Variants in NEBL observed in about 807,000 individuals in gnomAD.
NEBL encodes LIM and SH3 protein 2.
NEBL carries 122 observed loss-of-function variants against 140.2 expected under a neutral mutation model. The observed-to-expected ratio is 0.87, with a 90% CI of 0.75 to 1.01. The LOEUF is 1.01. Ranked by LOEUF, NEBL falls within the 50% of genes least tolerant of loss-of-function variation. NEBL has a pLI of 0.00. For synonymous variants in NEBL, 436 were observed against 398.9 expected, an observed-to-expected ratio of 1.09 and a Z score of -1.11; for missense variants, 1,365 against 1,231.3, an observed-to-expected ratio of 1.11 and a Z score of -1.62.
At chr10:20,818,840 A>G in intron 20 of NEBL, 1 of 990,780 alleles carries the variant, frequency 1.0e-6, no homozygotes, top group Non-Finnish European at 1.2e-6. Flanking sequence ...ATGCCCTTCA[A>G]CAAGGAAATG....
At chr10:21,029,754 T>G in intron 2 of NEBL, 1 of 791,154 alleles carries the variant, frequency 1.3e-6, no homozygotes, top group Non-Finnish European at 2.3e-6. Flanking sequence ...TGGATCGATA[T>G]GGCTGGCGGT....
At chr10:20,823,075 C>A in intron 19 of NEBL, 133 bp downstream of exon 19, 1 of 649,176 alleles carries the variant, frequency 1.5e-6, no homozygotes, top group Non-Finnish European at 2.7e-6. Context: ...AAAATGCTAG[C>A]TCCACTTTTA....
chr10:20,785,595 T>C lies in NEBL; in HGVS notation c.*152A>G, dbSNP rs1835341298. The C allele has an allele frequency of 1.1e-6, 1 of 900,770 alleles. No individual in the cohort carries two copies. Among genetic ancestry groups the C allele is most frequent in the Non-Finnish European group, 1.7e-6 (1 of 579,204 alleles). The allele number at this position is 900,770 out of a possible 1,614,324, so 55.8% of individuals were successfully genotyped here. A position where few individuals can be genotyped will look rare whatever the true frequency, so the allele number is the denominator to read the frequency against. ...CTGCTGTTTTCAGCCCAGAGGTCATTCCTTCTTCCTGGTACCTGTGTGTCT... is the reference window on the plus strand; with the variant it reads ...CTGCTGTTTTCAGCCCAGAGGTCATCCCTTCTTCCTGGTACCTGTGTGTCT... On this transcript the variant is annotated 3_prime_UTR_variant, in exon 28 of 28. Transcript: ENST00000377122.
At chr10:20,854,561 CTTTTTTTTT>C (rs71390794) in intron 9 of NEBL, among the ~76,000 whole-genome samples, 58 of 107,258 alleles carry the variant, frequency 5.4e-4, no homozygotes, top group Non-Finnish European at 9.0e-4. Context: ...TCATATAGTA[CTTTTTTTTT>C]TTTTTTTTTT....
rs1767961581 is a variant in NEBL at position 20,897,185 on chromosome 10, C to T, written c.21G>A (p.Glu7=). MRVPVF[E]DIKDETEEEK... is the part of the protein sequence containing the mutation. The stretch of plus-strand genomic sequence containing the variant: ...CTTCTTCAGTTTCATCTTTTATATC[C>T]TCAAATACAGGGACCCTCATTTTTA... Residue 7 remains glutamate (E), a synonymous_variant, in exon 1 of 28, where the codon GAG becomes GAA. Coordinates refer to ENST00000377122, the MANE Select transcript of NEBL (RefSeq NM_006393.3). The T allele has an allele frequency of 6.2e-7, 1 of 1,603,048 alleles. No homozygotes were observed. Among genetic ancestry groups the T allele is most frequent in the Non-Finnish European group, 8.5e-7 (1 of 1,172,082 alleles).
chr10:20,814,609 T>TACACACACACAC (rs1265684219), intron 22 of NEBL, among the ~76,000 whole-genome samples: 1,304 of 98,292 alleles, frequency 0.013, 12 homozygotes, highest in African/African-American at 0.058. Context: ...AACACACACA[T>TACACACACACAC]ACACACATAC....
At chr10:20,923,274 C>T (rs1833682290) in intron 4 of NEBL, among the ~76,000 whole-genome samples, 1 of 151,982 alleles carries the variant, frequency 6.6e-6, no homozygotes, top group Non-Finnish European at 1.5e-5. Context: ...TGCCATGTTG[C>T]CCACGCTGGT....
intron 3 of NEBL, among the ~76,000 whole-genome samples, chr10:20,981,607 G>A (rs1341883275): frequency 3.3e-5 from 5 of 151,656 alleles, no homozygotes; most frequent in African/African-American, 1.2e-4. Flanking sequence ...CTTGGGACTG[G>A]CTAATCAGAG....
At chr10:20,894,926 C>CCA (rs1186688262) in intron 2 of NEBL, among the ~76,000 whole-genome samples, 1 of 102,640 alleles carries the variant, frequency 9.7e-6, no homozygotes, top group African/African-American at 4.2e-5. Flanking sequence ...GAGACTCTGT[C>CCA]TAAAAAAAAA....
rs555938204 is a variant in NEBL at position 21,209,511 on chromosome 10, A to G, written n.349-37034T>C. On this transcript the variant is annotated intron_variant and non_coding_transcript_variant, in intron 3 of 8. Coordinates refer to the NEBL transcript ENST00000675702. ...GTTGAAAAGAAAGAGAGGAAAATGG[A>G]CTTCAGGTAGGCAGCTGGAAGTATA... 5.3e-4 allele frequency among the ~76,000 whole-genome samples: 81 copies of G among 152,158 alleles called. No individual in the cohort carries two copies. In the Middle Eastern group the frequency reaches 0.01, roughly 19 times the overall value.
At chr10:21,032,879 T>A (rs548533144) in intron 2 of NEBL, among the ~76,000 whole-genome samples, 31 of 152,314 alleles carry the variant, frequency 2.0e-4, no homozygotes, top group Non-Finnish European at 4.0e-4. Context: ...ACTTCTCTCA[T>A]GTATTTATAA....
At chr10:21,161,433 A>G (rs1370834593) in intron 2 of NEBL, among the ~76,000 whole-genome samples, 1 of 152,094 alleles carries the variant, frequency 6.6e-6, no homozygotes, top group Non-Finnish European at 1.5e-5. Context: ...TGCCCCCAAC[A>G]AAGCTAGATG....
chr10:21,127,069 G>A (rs1195219918), intron 2 of NEBL, among the ~76,000 whole-genome samples: 3 of 149,454 alleles, frequency 2.0e-5, no homozygotes, highest in Admixed American at 6.7e-5. Context: ...ACACTCAAAC[G>A]CATCCATGGT....
chr10:21,284,962 A>T lies in NEBL; in HGVS notation n.182+7868T>A, dbSNP rs533220379. 2.0e-5 allele frequency among the ~76,000 whole-genome samples: 3 copies of T among 152,082 alleles called. No homozygotes were observed. In the South Asian group the frequency reaches 6.2e-4, roughly 32 times the overall value. On this transcript the variant is annotated intron_variant and non_coding_transcript_variant, in intron 1 of 8. Coordinates refer to the NEBL transcript ENST00000675702. The stretch of plus-strand genomic sequence containing the variant: ...GCCTGTAATCCCAGCTACTTGGAAG[A>T]CTGAGGCAGGAGGATCTTTGAGCCC...
chr10:21,125,365 A>T (rs2132054514), intron 2 of NEBL, among the ~76,000 whole-genome samples: 1 of 152,280 alleles, frequency 6.6e-6, no homozygotes, highest in East Asian at 1.9e-4. Context: ...TATGAAAGGG[A>T]TGTTTCAGGT....
intron 26 of NEBL, among the ~76,000 whole-genome samples, chr10:20,799,974 C>T (rs567105375): frequency 3.3e-5 from 5 of 151,656 alleles, no homozygotes; most frequent in Non-Finnish European, 5.9e-5. Flanking sequence ...AGAGCGCACG[C>T]GTGTGAGAGA....
In NEBL at chr10:21,097,222, G is replaced by A. The variant is rs969205439; in HGVS notation, c.164+75161C>T. 2.6e-4 allele frequency among the ~76,000 whole-genome samples: 38 copies of A among 148,566 alleles called. No individual in the cohort carries two copies. The East Asian group carries it at 7.5e-3, about 29-fold the overall frequency. On this transcript the variant is annotated intron_variant, in intron 2 of 6. Coordinates refer to the NEBL transcript ENST00000417816. ...AATCCCAGCACTTTGGGAGGTCCGG[G>A]GGGGGGGTGGGGCAGATCACAAGGT...
chr10:20,875,228 A>G (rs1345308101), intron 5 of NEBL, among the ~76,000 whole-genome samples: 2 of 152,044 alleles, frequency 1.3e-5, no homozygotes, highest in Non-Finnish European at 2.9e-5. Context: ...CTTCTGTTTC[A>G]TAAGAGCCAT....
At chr10:20,831,113 GAT>G (rs1840367919) in intron 16 of NEBL, 81 bp downstream of exon 16, 1 of 1,006,052 alleles carries the variant, frequency 9.9e-7, no homozygotes, top group African/African-American at 1.6e-5. Context: ...CCCTCAGAAA[GAT>G]ATCATTCATA....
Sources: allele counts gnomAD v4.1 joint callset (sites outside exome capture counted in the v4.1 genomes callset), GRCh38; gene constraint gnomAD v4.1.1; transcripts MANE v1.5; gene names NCBI Gene and HGNC (gene_info 2026-07-23, HGNC 2026-07-21).